BICDL1: variants seen among roughly 807,000 people sequenced by gnomAD.
BICDL1 encodes the protein BICD family like cargo adaptor 1.
A neutral mutation model predicts 76.8 loss-of-function variants in BICDL1; 20 were observed. That is an observed-to-expected ratio of 0.26 (90% CI 0.18 to 0.38). The LOEUF (loss-of-function observed/expected upper bound fraction) is 0.38. Among genes scored for constraint, BICDL1 ranks in the 10% least tolerant of loss-of-function variants. The pLI is 1.00. For missense variants in BICDL1, 700 were observed against 798.6 expected, an observed-to-expected ratio of 0.88 and a Z score of 1.49; for synonymous variants, 383 against 337.1, an observed-to-expected ratio of 1.14 and a Z score of -1.49.
intron 4 of BICDL1, among the ~76,000 whole-genome samples, chr12:120,068,503 A>T (rs994373848): frequency 2.6e-5 from 4 of 152,210 alleles, no homozygotes; most frequent in Non-Finnish European, 4.4e-5. Context: ...CAAGTTAGTG[A>T]TGGAGTGCAC....
At chr12:120,092,392 G>T in intron 9 of BICDL1, 1 of 985,488 alleles carries the variant, frequency 1.0e-6, no homozygotes, top group Non-Finnish European at 1.2e-6. Context: ...AGACCGTGAG[G>T]CCCCTGGCCT....
chr12:120,072,210 CCT>C (rs1432773252), intron 5 of BICDL1, among the ~76,000 whole-genome samples: 3 of 152,138 alleles, frequency 2.0e-5, no homozygotes, highest in Non-Finnish European at 2.9e-5. Context: ...CATTCATTCC[CCT>C]GATTGTTTTC....
chr12:119,994,474 G>T (rs953565453), intron 1 of BICDL1, among the ~76,000 whole-genome samples: 2 of 151,596 alleles, frequency 1.3e-5, no homozygotes, highest in Admixed American at 1.3e-4. Flanking sequence ...GGGTGGTGGG[G>T]TTTTTTTAGT....
At chr12:120,050,528 A>G (rs1952836649) in intron 2 of BICDL1, among the ~76,000 whole-genome samples, 1 of 152,018 alleles carries the variant, frequency 6.6e-6, no homozygotes, top group African/African-American at 2.4e-5. Context: ...CAGCCTCCCA[A>G]AGTGCTGGGA....
intron 2 of BICDL1, among the ~76,000 whole-genome samples, chr12:120,020,862 G>A (rs1222015910): frequency 6.6e-6 from 1 of 152,214 alleles, no homozygotes; most frequent in Non-Finnish European, 1.5e-5. Flanking sequence ...GCTCACCTAT[G>A]CTGTGTTCTT....
At chr12:120,077,580 G>A (rs750371126) in intron 7 of BICDL1, among the ~76,000 whole-genome samples, 1 of 152,198 alleles carries the variant, frequency 6.6e-6, no homozygotes, top group Admixed American at 6.5e-5. Flanking sequence ...TGCTTGACTC[G>A]AGTGCACACT....
At chr12:119,997,830 AG>A (rs1487920278) in intron 1 of BICDL1, among the ~76,000 whole-genome samples, 1 of 151,476 alleles carries the variant, frequency 6.6e-6, no homozygotes, top group Non-Finnish European at 1.5e-5. Context: ...AAAAGTAAGG[AG>A]GGGGTGGGGC....
At chr12:119,999,036 G>A (rs1295431930) in intron 2 of BICDL1, among the ~76,000 whole-genome samples, 1 of 140,080 alleles carries the variant, frequency 7.1e-6, no homozygotes, top group African/African-American at 2.8e-5. Context: ...ACTCCAGCCC[G>A]GGCAACAGAG....
intron 2 of BICDL1, among the ~76,000 whole-genome samples, chr12:120,058,639 G>A (rs1206491171): frequency 6.8e-6 from 1 of 146,838 alleles, no homozygotes; most frequent in Non-Finnish European, 1.5e-5. Flanking sequence ...GGCCCAGGCT[G>A]GAGTGCAGTG....
intron 9 of BICDL1, 135 bp downstream of exon 9, chr12:120,090,206 G>A: frequency 2.9e-6 from 3 of 1,043,512 alleles, no homozygotes; most frequent in Non-Finnish European, 4.1e-6. Context: ...TCTTCACCTG[G>A]CAAGATCCAG....
intron 2 of BICDL1, among the ~76,000 whole-genome samples, chr12:120,027,672 C>T (rs1399801761): frequency 6.6e-6 from 1 of 152,104 alleles, no homozygotes; most frequent in East Asian, 1.9e-4. Context: ...TTTAAAAATC[C>T]AATTTGCACT....
At chr12:120,091,614 A>T in intron 9 of BICDL1, 1 of 980,294 alleles carries the variant, frequency 1.0e-6, no homozygotes, top group Non-Finnish European at 1.2e-6. Context: ...GGGCAAGGAG[A>T]AGACCAGGAA....
At chr12:120,082,161 A>G (rs1874042716) in intron 8 of BICDL1, among the ~76,000 whole-genome samples, 1 of 152,082 alleles carries the variant, frequency 6.6e-6, no homozygotes, top group Non-Finnish European at 1.5e-5. Flanking sequence ...AAGAAAGTGG[A>G]TCATTTCTCT....
chr12:120,016,790 A>G (rs943526689), intron 2 of BICDL1, among the ~76,000 whole-genome samples: 1 of 152,024 alleles, frequency 6.6e-6, no homozygotes, highest in African/African-American at 2.4e-5. Flanking sequence ...ATTCCTACCA[A>G]CAATGCGTGA....
At chr12:120,030,161 G>A (rs1952393271) in intron 2 of BICDL1, among the ~76,000 whole-genome samples, 1 of 152,082 alleles carries the variant, frequency 6.6e-6, no homozygotes, top group Non-Finnish European at 1.5e-5. Context: ...GAGTGATGAG[G>A]ACACTTAAAA....
At chr12:120,090,659 G>A in intron 9 of BICDL1, 1 of 361,230 alleles carries the variant, frequency 2.8e-6, no homozygotes, top group Non-Finnish European at 5.4e-6. Context: ...TTAGGATATG[G>A]GTATAAACAT....
chr12:120,075,618 C>G (rs1324430323), intron 7 of BICDL1, among the ~76,000 whole-genome samples: 1 of 152,142 alleles, frequency 6.6e-6, no homozygotes, highest in African/African-American at 2.4e-5. Flanking sequence ...CTCCTGGGCT[C>G]AAGAGAACCA....
Position 120,093,233 on chromosome 12 carries a change from C to T in BICDL1, c.*72C>T. On this transcript the variant is annotated 3_prime_UTR_variant, in exon 10 of 10. Transcript: ENST00000548673. Reference sequence around the variant, plus strand: ...GGAAAGGCGGTGCAGGCAAGGCCTCCCCTGCAGCTTGCACCTCAGCAGCTG... The same window carrying T: ...GGAAAGGCGGTGCAGGCAAGGCCTCTCCTGCAGCTTGCACCTCAGCAGCTG... The T allele has an allele frequency of 6.7e-7, 1 of 1,502,852 alleles. No individual in the cohort carries two copies. Among genetic ancestry groups the T allele is most frequent in the Non-Finnish European group, 9.0e-7 (1 of 1,107,414 alleles). 93.1% of individuals were successfully genotyped at this position (1,502,852 alleles called of 1,614,324 possible). A position where few individuals can be genotyped will look rare whatever the true frequency, so the allele number is the denominator to read the frequency against.
At chr12:120,041,584 C>T (rs1472580193) in intron 2 of BICDL1, among the ~76,000 whole-genome samples, 1 of 151,930 alleles carries the variant, frequency 6.6e-6, no homozygotes, top group Non-Finnish European at 1.5e-5. Flanking sequence ...GTGTAATAAG[C>T]GCTACAGAGA....
Sources: allele counts gnomAD v4.1 joint callset (sites outside exome capture counted in the v4.1 genomes callset), GRCh38; gene constraint gnomAD v4.1.1; transcripts MANE v1.5; gene names NCBI Gene and HGNC (gene_info 2026-07-23, HGNC 2026-07-21).